ABCA5: variants seen among roughly 807,000 people sequenced by gnomAD.
The protein encoded by ABCA5 is cholesterol transporter ABCA5.
In ABCA5, 163 loss-of-function variants were observed where a neutral mutation model predicts 206.0. The ratio of observed to expected loss-of-function variants is 0.79; its 90% CI spans 0.70 to 0.90. The LOEUF (loss-of-function observed/expected upper bound fraction) is 0.90. Ranked by LOEUF, ABCA5 falls within the 40% of genes least tolerant of loss-of-function variation. The pLI is 0.00. For synonymous variants in ABCA5, 609 were observed against 613.8 expected (o/e 0.99, Z 0.11); for missense variants, 1,859 against 1,912.9 (o/e 0.97, Z 0.53).
chr17:69,266,363 G>A (rs905573514), intron 23 of ABCA5, among the ~76,000 whole-genome samples: 2 of 152,058 alleles, frequency 1.3e-5, no homozygotes, highest in Admixed American at 6.5e-5. Context: ...ATAATTTTAC[G>A]AGATGTTATT....
At position 69,271,278 on chromosome 17, in the gene ABCA5, T is replaced by C. The variant is rs1489178813; in HGVS notation, c.2776A>G (p.Ser926Gly). The C allele has an allele frequency of 1.2e-6, 2 of 1,610,584 alleles. No homozygotes were observed. The highest frequency in any genetic ancestry group is 1.3e-5 in the African/African-American group (1 of 74,898). The change falls in exon 21 of 39, where the codon AGT (serine) becomes GGT (glycine). Residue 926 changes from serine to glycine, a missense_variant. Transcript: ENST00000392676. ...LLQNSADSDISDLISFFTSQN... is the reference protein window; with the variant it reads ...LLQNSADSDIGDLISFFTSQN... The stretch of plus-strand genomic sequence containing the variant: ...CTTGTGAAAAAGCTAATAAGATCAC[T>C]GATATCTGAGTCTGGTGTTAGAAAA...
intron 22 of ABCA5, among the ~76,000 whole-genome samples, chr17:69,268,415 T>C (rs771222473): frequency 6.6e-6 from 1 of 152,116 alleles, no homozygotes; most frequent in Non-Finnish European, 1.5e-5. Context: ...AGTGGTCCTA[T>C]GAAATAATAA....
intron 20 of ABCA5, among the ~76,000 whole-genome samples, chr17:69,273,437 A>T (rs187966503): frequency 0.02 from 2,958 of 148,610 alleles, 98 homozygotes; most frequent in African/African-American, 0.069. Context: ...CAAAGTATAA[A>T]TTTTTTTAAC....
At chr17:69,275,625 T>C (rs1486326654) in intron 19 of ABCA5, among the ~76,000 whole-genome samples, 2 of 152,242 alleles carry the variant, frequency 1.3e-5, no homozygotes, top group Non-Finnish European at 2.9e-5. Flanking sequence ...ATCTCATGTT[T>C]TTTATGCTAA....
At position 69,256,265 on chromosome 17, in the gene ABCA5, A is replaced by T; in HGVS notation, c.3750T>A (p.Ser1250=). 1.2e-6 allele frequency: 2 copies of T among 1,600,884 alleles called. No homozygotes were observed. Among genetic ancestry groups the T allele is most frequent in the Non-Finnish European group, 1.7e-6 (2 of 1,172,434 alleles). The change falls in exon 29 of 39, where the codon TCT becomes TCA. Residue 1250 remains serine, a synonymous_variant. Coordinates refer to ENST00000392676, the MANE Select transcript of ABCA5 (RefSeq NM_172232.4). ...DPFFRNLSTK[S]KNRKLPEPPD... ...GTGGTTCTGGAAGCTTCCTATTTTT[A>T]GACTTCGTTGAAAGGTTTCTACATA...
intron 5 of ABCA5, among the ~76,000 whole-genome samples, chr17:69,307,691 C>A (rs2075732109): frequency 6.6e-6 from 1 of 152,054 alleles, no homozygotes; most frequent in Admixed American, 6.6e-5. Context: ...CATAAATCAT[C>A]TCATTTGGTT....
intron 24 of ABCA5, among the ~76,000 whole-genome samples, chr17:69,264,435 G>A (rs1037050128): frequency 6.6e-6 from 1 of 152,116 alleles, no homozygotes; most frequent in Non-Finnish European, 1.5e-5. Flanking sequence ...TAAGAAAAAC[G>A]AAGGAAGGCA....
At chr17:69,273,886 T>C in intron 20 of ABCA5, 73 bp downstream of exon 20, 1 of 1,405,720 alleles carries the variant, frequency 7.1e-7, no homozygotes, top group South Asian at 1.5e-5. Context: ...AGTTTTAAAA[T>C]CCAGACCTTT....
intron 1 of ABCA5, among the ~76,000 whole-genome samples, chr17:69,320,132 G>A (rs536902466): frequency 6.6e-6 from 1 of 152,246 alleles, no homozygotes; most frequent in East Asian, 1.9e-4. Flanking sequence ...GATCACGATT[G>A]TGTATAAAAG....
At chr17:69,281,537 T>C (rs2075393840) in intron 18 of ABCA5, among the ~76,000 whole-genome samples, 1 of 152,138 alleles carries the variant, frequency 6.6e-6, no homozygotes, top group African/African-American at 2.4e-5. Flanking sequence ...CAAAATCACA[T>C]ACATTAATTT....
intron 28 of ABCA5, among the ~76,000 whole-genome samples, chr17:69,258,890 G>C (rs1485416951): frequency 6.6e-6 from 1 of 151,980 alleles, no homozygotes; most frequent in Non-Finnish European, 1.5e-5. Flanking sequence ...AGGCTGGATA[G>C]AAGAAAAAGT....
intron 13 of ABCA5, among the ~76,000 whole-genome samples, 171 bp downstream of exon 13, chr17:69,289,691 G>C (rs1310987056): frequency 6.6e-6 from 1 of 152,078 alleles, no homozygotes; most frequent in African/African-American, 2.4e-5. Flanking sequence ...TTTTATGTGT[G>C]CTAAAACATT....
chr17:69,315,414 T>C (rs2075806304), intron 1 of ABCA5: 1 of 152,122 alleles, frequency 6.6e-6, no homozygotes, highest in Non-Finnish European at 1.5e-5. Context: ...TAAGAGAAAA[T>C]ATCAACATTT....
At chr17:69,268,501 G>C (rs1043173163) in intron 22 of ABCA5, among the ~76,000 whole-genome samples, 6 of 151,702 alleles carry the variant, frequency 4.0e-5, no homozygotes, top group Non-Finnish European at 8.8e-5. Context: ...AGCTTCCTAT[G>C]GAACTAGAAC....
Position 69,261,272 on chromosome 17 carries a change from A to G in ABCA5, c.3430-13T>C, listed in dbSNP as rs1420856151. The G allele has an allele frequency of 6.3e-7, 1 of 1,580,538 alleles. No homozygotes were observed. Among genetic ancestry groups the G allele is most frequent in the African/African-American group, 1.4e-5 (1 of 73,164 alleles). ...AAGCCAACGCTGCCTAAAGAAAAAA[A>G]TAAATAAATAAAAGTGACAAAGTGT... On this transcript the variant is annotated splice_polypyrimidine_tract_variant and intron_variant, in intron 25 of 38. Transcript: ENST00000392676.
chr17:69,300,692 T>A (rs927299648), intron 9 of ABCA5, among the ~76,000 whole-genome samples: 2 of 152,178 alleles, frequency 1.3e-5, no homozygotes, highest in Non-Finnish European at 2.9e-5. Context: ...CAGACACAGG[T>A]AATGAGGAAT....
chr17:69,249,713 A>C, intron 37 of ABCA5, 192 bp downstream of exon 37: 1 of 626,928 alleles, frequency 1.6e-6, no homozygotes, highest in Non-Finnish European at 2.6e-6. Flanking sequence ...TTATCTTCTT[A>C]TCTGCCATAG....
In ABCA5 at chr17:69,278,845, C is replaced by G. The variant is rs566331666; in HGVS notation, c.2393-1003G>C. On this transcript the variant is annotated intron_variant, in intron 18 of 38. Coordinates refer to ENST00000392676, the MANE Select transcript of ABCA5 (RefSeq NM_172232.4). Reference sequence around the variant, plus strand: ...TGACAAAATTCAACAACCCTTCATGCTAAAAACTCTCAATAAATTAGGTAT... The same window carrying G: ...TGACAAAATTCAACAACCCTTCATGGTAAAAACTCTCAATAAATTAGGTAT... 8.0e-3 allele frequency among the ~76,000 whole-genome samples: 1,214 copies of G among 151,798 alleles called. 7 individuals carry two copies. Among genetic ancestry groups the G allele is most frequent in the Middle Eastern group, 0.014 (4 of 292 alleles).
In ABCA5 at chr17:69,285,954, T is replaced by G; in HGVS notation, c.2216A>C (p.Gln739Pro). Reference protein sequence around the residue: ...QHIPGATLLQQNDQQLVYSLP... With the variant: ...QHIPGATLLQPNDQQLVYSLP... ...GCTATACACAAGTTGTTGGTCATTCTGTTGTAATAAAGTAGCTCCAGGTAT... is the reference window on the plus strand; with the variant it reads ...GCTATACACAAGTTGTTGGTCATTCGGTTGTAATAAAGTAGCTCCAGGTAT... The change falls in exon 17 of 39, where the codon CAG becomes CCG. Residue 739 changes from glutamine to proline, a missense_variant. Gln to Pro is a moderately conservative substitution (Grantham distance 76). Transcript: ENST00000392676. 6.2e-7 allele frequency: 1 copy of G among 1,613,422 alleles called. No individual in the cohort carries two copies. Among genetic ancestry groups the G allele is most frequent in the Non-Finnish European group, 8.5e-7 (1 of 1,179,592 alleles).
Sources: allele counts gnomAD v4.1 joint callset (sites outside exome capture counted in the v4.1 genomes callset), GRCh38; gene constraint gnomAD v4.1.1; transcripts MANE v1.5; gene names NCBI Gene and HGNC (gene_info 2026-07-23, HGNC 2026-07-21).